Variants in AGBL4 observed in about 807,000 individuals in gnomAD.
The protein encoded by AGBL4 is cytosolic carboxypeptidase 6.
A neutral mutation model predicts 66.4 loss-of-function variants in AGBL4; 58 were observed. The ratio of observed to expected loss-of-function variants is 0.87; its 90% CI spans 0.71 to 1.09. The LOEUF (loss-of-function observed/expected upper bound fraction) is 1.09, where lower values mean the gene tolerates loss of function less well. Among genes scored for constraint, AGBL4 ranks in the 50% least tolerant of loss-of-function variants. The probability of loss-of-function intolerance (pLI) is 0.00; values close to 1 mark genes in which losing one functional copy is unlikely to be tolerated. For synonymous variants in AGBL4, 234 were observed against 222.9 expected, an observed-to-expected ratio of 1.05 and a Z score of -0.44; for missense variants, 579 against 631.0, an observed-to-expected ratio of 0.92 and a Z score of 0.88.
At chr1:49,783,009 T>G (rs1005264562) in intron 2 of AGBL4, among the ~76,000 whole-genome samples, 5 of 152,054 alleles carry the variant, frequency 3.3e-5, no homozygotes, top group African/African-American at 7.2e-5. Context: ...GAAACCTGTT[T>G]TTTTTTTTTC....
chr1:49,596,093 G>T (rs963151723), intron 3 of AGBL4, among the ~76,000 whole-genome samples: 5 of 152,152 alleles, frequency 3.3e-5, no homozygotes, highest in African/African-American at 1.2e-4. Flanking sequence ...GTAGTAAAAT[G>T]AGCCAAGGTC....
rs1294674252 is a variant in AGBL4, at chr1:49,260,577, C to T, written c.283-14713G>A. 2.6e-5 allele frequency among the ~76,000 whole-genome samples: 4 copies of T among 152,138 alleles called. No individual in the cohort carries two copies. In the East Asian group the frequency reaches 5.8e-4, roughly 22 times the overall value. ...ATCTAGAAGAAATGGATAAATTCCT[C>T]GACACATACACCCTCCCAAGACTAA... is the stretch of plus-strand genomic sequence containing the variant. On this transcript the variant is annotated intron_variant, in intron 3 of 13. Coordinates refer to ENST00000371839, the MANE Select transcript of AGBL4 (RefSeq NM_032785.4).
chr1:49,820,102 G>A (rs1221696872), intron 2 of AGBL4, among the ~76,000 whole-genome samples: 1 of 152,122 alleles, frequency 6.6e-6, no homozygotes, highest in Non-Finnish European at 1.5e-5. Flanking sequence ...AATTATGAGG[G>A]TGTCATGGTA....
At position 48,635,707 on chromosome 1, in the gene AGBL4, C is replaced by T. The variant is rs1645657872; in HGVS notation, c.840-1103G>A. On this transcript the variant is annotated intron_variant, in intron 8 of 13. Coordinates refer to ENST00000371839, the MANE Select transcript of AGBL4 (RefSeq NM_032785.4). ...AGAGCCTCTTTCATCATGGACTGCACTCTCCCTACCCCACATCCTCAGTGG... is the reference window on the plus strand; with the variant it reads ...AGAGCCTCTTTCATCATGGACTGCATTCTCCCTACCCCACATCCTCAGTGG... Among the ~76,000 whole-genome samples the T allele has an allele frequency of 2.0e-5, 3 of 152,196 alleles. No homozygotes were observed. The South Asian group carries it at 6.2e-4, about 31-fold the overall frequency.
At chr1:49,866,026 T>C (rs1439089406) in intron 1 of AGBL4, 37 of 273,388 alleles carry the variant, frequency 1.4e-4, no homozygotes, top group Admixed American at 1.2e-3. Flanking sequence ...CAAGACTATC[T>C]TGCTGAAGTA....
chr1:49,955,275 A>G (rs1557616237), intron 1 of AGBL4, among the ~76,000 whole-genome samples: 1 of 151,998 alleles, frequency 6.6e-6, no homozygotes, highest in Non-Finnish European at 1.5e-5. Flanking sequence ...ATTGAGTATA[A>G]TCAAACTAAT....
intron 1 of AGBL4, among the ~76,000 whole-genome samples, chr1:50,004,163 T>C (rs921521148): frequency 6.6e-6 from 1 of 152,170 alleles, no homozygotes; most frequent in Non-Finnish European, 1.5e-5. Context: ...GGACTTTTCA[T>C]TGGAACTCAG....
intron 6 of AGBL4, among the ~76,000 whole-genome samples, chr1:48,693,795 C>T (rs1028306004): frequency 2.6e-5 from 4 of 152,190 alleles, no homozygotes; most frequent in Non-Finnish European, 5.9e-5. Flanking sequence ...AGGGCACTGA[C>T]AGCCTTCCGT....
intron 1 of AGBL4, among the ~76,000 whole-genome samples, chr1:49,920,944 C>T (rs1486182567): frequency 6.6e-6 from 1 of 152,154 alleles, no homozygotes; most frequent in East Asian, 1.9e-4. Context: ...TTTGTAGGGA[C>T]ATGGATGAAG....
intron 3 of AGBL4, among the ~76,000 whole-genome samples, chr1:49,515,162 A>C (rs1649670012): frequency 6.6e-6 from 1 of 152,144 alleles, no homozygotes; most frequent in Admixed American, 6.6e-5. Flanking sequence ...AATATCCAGA[A>C]TCTACAATGA....
At chr1:49,080,890 A>C (rs1644798306) in intron 4 of AGBL4, among the ~76,000 whole-genome samples, 2 of 152,122 alleles carry the variant, frequency 1.3e-5, no homozygotes, top group Non-Finnish European at 2.9e-5. Context: ...CCTTTTTGGT[A>C]TTTTGTGAAC....
At chr1:48,717,104 C>T (rs1396612991) in intron 6 of AGBL4, among the ~76,000 whole-genome samples, 1 of 152,222 alleles carries the variant, frequency 6.6e-6, no homozygotes. Context: ...GTGCCCCATC[C>T]CCACACACCC....
intron 6 of AGBL4, among the ~76,000 whole-genome samples, chr1:48,726,156 C>A (rs549176650): frequency 6.6e-6 from 1 of 152,160 alleles, no homozygotes; most frequent in Admixed American, 6.5e-5. Flanking sequence ...TCAAACATTA[C>A]GCAAAGCACT....
chr1:49,473,116 C>A (rs1372496206), intron 3 of AGBL4, among the ~76,000 whole-genome samples: 2 of 152,046 alleles, frequency 1.3e-5, no homozygotes, highest in African/African-American at 4.8e-5. Flanking sequence ...GATAATCATG[C>A]AAATGCATGT....
At chr1:49,258,934 C>T (rs1444853103) in intron 3 of AGBL4, among the ~76,000 whole-genome samples, 2 of 152,154 alleles carry the variant, frequency 1.3e-5, no homozygotes, top group Non-Finnish European at 2.9e-5. Flanking sequence ...CAAAGGGAAG[C>T]CCATCAGACT....
At chr1:48,599,921 A>G (rs1172687776) in intron 9 of AGBL4, among the ~76,000 whole-genome samples, 1 of 152,206 alleles carries the variant, frequency 6.6e-6, no homozygotes, top group Non-Finnish European at 1.5e-5. Flanking sequence ...TCTGGGAGAA[A>G]GCGTGGACCG....
intron 4 of AGBL4, among the ~76,000 whole-genome samples, chr1:49,157,349 T>C (rs1424937244): frequency 1.3e-5 from 2 of 152,038 alleles, no homozygotes; most frequent in Non-Finnish European, 2.9e-5. Flanking sequence ...TTTCTCTTCT[T>C]GTCTTAGATT....
intron 5 of AGBL4, among the ~76,000 whole-genome samples, chr1:48,878,119 G>C (rs1649400807): frequency 6.6e-6 from 1 of 152,144 alleles, no homozygotes; most frequent in African/African-American, 2.4e-5. Context: ...TTTTTTGAGA[G>C]TATCAAGGTC....
chr1:48,759,341 G>T (rs1338835941), intron 6 of AGBL4: 5 of 1,520,576 alleles, frequency 3.3e-6, no homozygotes, highest in African/African-American at 1.4e-5. Context: ...TTCTTGGACT[G>T]CAGATCAATA....
Sources: allele counts gnomAD v4.1 joint callset (sites outside exome capture counted in the v4.1 genomes callset), GRCh38; gene constraint gnomAD v4.1.1; transcripts MANE v1.5; gene names NCBI Gene and HGNC (gene_info 2026-07-23, HGNC 2026-07-21).